The following PIP5K1C variants were observed in gnomAD, a reference collection of about 807,000 sequenced individuals.
PIP5K1C encodes the protein phosphatidylinositol-4-phosphate 5-kinase type 1 gamma.
Under a neutral mutation model 80.1 loss-of-function variants are expected in PIP5K1C, and 45 were observed. That is an observed-to-expected ratio of 0.56 (90% CI 0.44 to 0.72). The LOEUF (loss-of-function observed/expected upper bound fraction) is 0.72, where lower values mean the gene tolerates loss of function less well. PIP5K1C is among the 30% of genes least tolerant of loss of function. The pLI is 0.00. For missense variants in PIP5K1C, 753 were observed against 954.6 expected (o/e 0.79, Z 2.78); for synonymous variants, 498 against 420.1 (o/e 1.19, Z -2.27).
intron 1 of PIP5K1C, among the ~76,000 whole-genome samples, chr19:3,671,643 C>G (rs190648494): frequency 5.3e-4 from 80 of 152,284 alleles, no homozygotes; most frequent in African/African-American, 1.8e-3. Context: ...ATGTGGGGCT[C>G]CCAGGGCAGG....
chr19:3,656,643 G>C lies in PIP5K1C; in HGVS notation c.469-86C>G, dbSNP rs1271376036. ...CTTCCGGTCTGCCCAACAGCCCCAG[G>C]AACTGATGACGGGTCGCTGCATTTT... On this transcript the variant is annotated intron_variant, in intron 5 of 17. Coordinates refer to ENST00000335312, the MANE Select transcript of PIP5K1C (RefSeq NM_012398.3). 2.7e-6 allele frequency: 4 copies of C among 1,481,568 alleles called. No homozygotes were observed. The Admixed American group carries it at 6.7e-5, about 25-fold the overall frequency. The allele number at this position is 1,481,568 out of a possible 1,614,324, so 91.8% of individuals were successfully genotyped here. A position where few individuals can be genotyped will look rare whatever the true frequency, so the allele number is the denominator to read the frequency against.
chr19:3,647,346 G>A lies in PIP5K1C; in HGVS notation c.1252C>T (p.His418Tyr). Residue 418 changes from histidine to tyrosine, a missense_variant, in exon 10 of 18, where the codon CAC (histidine) becomes TAC (tyrosine). Physicochemically the swap from His to Tyr is moderately conservative, Grantham distance 83. Transcript: ENST00000335312. ...KLEHTWKALVHDGDTVSVHRP... is the reference protein window; with the variant it reads ...KLEHTWKALVYDGDTVSVHRP... ...AGGGTGCAGGCGCTCACCCCATCGTGGACGAGGGCCTTCCAGGTGTGCTCC... is the reference window on the plus strand; with the variant it reads ...AGGGTGCAGGCGCTCACCCCATCGTAGACGAGGGCCTTCCAGGTGTGCTCC... 1 of 1,577,470 alleles carries A rather than the reference G, an allele frequency of 6.3e-7. No homozygotes were observed. The highest frequency in any genetic ancestry group is 8.6e-7 in the Non-Finnish European group (1 of 1,160,560).
At chr19:3,661,784 G>T in intron 4 of PIP5K1C, 87 bp downstream of exon 4, 2 of 1,533,592 alleles carry the variant, frequency 1.3e-6, no homozygotes, top group Non-Finnish European at 1.8e-6. Flanking sequence ...GCTGCTTTCA[G>T]CAGAGAAGGG....
At position 3,642,230 on chromosome 19, in the gene PIP5K1C, G is replaced by A. The variant is rs142875046; in HGVS notation, c.1683-421C>T. On this transcript the variant is annotated intron_variant, in intron 14 of 17. Coordinates refer to ENST00000335312, the MANE Select transcript of PIP5K1C (RefSeq NM_012398.3). The stretch of plus-strand genomic sequence containing the variant: ...CACATCCCACCCAGGGCACCAAGGG[G>A]TTTCTTTCACCAGGCGGCAGCGATT... Among the ~76,000 whole-genome samples, 676 of 152,336 alleles carry A rather than the reference G, an allele frequency of 4.4e-3. 3 individuals are homozygous for A. Among genetic ancestry groups the A allele is most frequent in the African/African-American group, 0.016 (647 of 41,560 alleles).
chr19:3,636,101 G>A (rs1414113497), intron 16 of PIP5K1C, among the ~76,000 whole-genome samples: 1 of 152,184 alleles, frequency 6.6e-6, no homozygotes, highest in Non-Finnish European at 1.5e-5. Context: ...AGGTTGCAGT[G>A]AGCTGAGATC....
Position 3,691,016 on chromosome 19 carries a change from G to A in PIP5K1C, c.94+9281C>T, listed in dbSNP as rs182232697. ...GCTCTTGATAGAAACACAGGTGACCGTCGGGAGGAGTGGGAGGGAGCTCCT... is the reference window on the plus strand; with the variant it reads ...GCTCTTGATAGAAACACAGGTGACCATCGGGAGGAGTGGGAGGGAGCTCCT... On this transcript the variant is annotated intron_variant, in intron 1 of 17. Coordinates refer to ENST00000335312, the MANE Select transcript of PIP5K1C (RefSeq NM_012398.3). Among the ~76,000 whole-genome samples the A allele has an allele frequency of 5.3e-5, 8 of 152,314 alleles. 1 individual carries two copies. Among genetic ancestry groups the A allele is most frequent in the Admixed American group, 3.3e-4 (5 of 15,298 alleles).
At chr19:3,652,650 C>T (rs117151733) in intron 7 of PIP5K1C, among the ~76,000 whole-genome samples, 2 of 152,302 alleles carry the variant, frequency 1.3e-5, no homozygotes, top group East Asian at 1.9e-4. Context: ...GAGGAAGAGC[C>T]GTGCATATCA....
At chr19:3,655,658 G>A (rs2034597536) in intron 6 of PIP5K1C, among the ~76,000 whole-genome samples, 1 of 152,208 alleles carries the variant, frequency 6.6e-6, no homozygotes, top group Non-Finnish European at 1.5e-5. Flanking sequence ...TAAAGACTGA[G>A]TTTGCTGAGC....
In PIP5K1C at chr19:3,664,953, G is replaced by C. The variant is rs776051414; in HGVS notation, c.127-39C>G. The C allele has an allele frequency of 2.0e-6, 3 of 1,498,304 alleles. No individual in the cohort carries two copies. The African/African-American group carries it at 4.1e-5, about 21-fold the overall frequency. The allele number at this position is 1,498,304 out of a possible 1,614,324, so 92.8% of individuals were successfully genotyped here. A position where few individuals can be genotyped will look rare whatever the true frequency, so the allele number is the denominator to read the frequency against. On this transcript the variant is annotated intron_variant, in intron 2 of 17. Transcript: ENST00000335312. ...GCAGGAAGCGTTAACTCCCTAAGGA[G>C]CACGCCCACCGGGACAGGGCACGCT...
Position 3,641,697 on chromosome 19 carries a change from G to A in PIP5K1C, c.1787+8C>T, listed in dbSNP as rs377257200. The A allele has an allele frequency of 1.5e-5, 24 of 1,603,304 alleles. No homozygotes were observed. The highest frequency in any genetic ancestry group is 2.0e-5 in the Non-Finnish European group (23 of 1,178,082). On this transcript the variant is annotated splice_region_variant and intron_variant, in intron 15 of 17. Coordinates refer to ENST00000335312, the MANE Select transcript of PIP5K1C (RefSeq NM_012398.3). ...GGCGCCCCGACCTCCCGCCGAGGCC[G>A]TGCTCACCCTGCGTCCTCCTCTTTG... is the stretch of plus-strand genomic sequence containing the variant.
intron 8 of PIP5K1C, 74 bp downstream of exon 8, chr19:3,651,752 T>C: frequency 6.9e-7 from 1 of 1,440,734 alleles, no homozygotes; most frequent in Non-Finnish European, 9.7e-7. Flanking sequence ...TTTTCACACT[T>C]GGGACGGGGA....
chr19:3,675,899 G>A (rs376321653), intron 1 of PIP5K1C, among the ~76,000 whole-genome samples: 6 of 152,344 alleles, frequency 3.9e-5, no homozygotes, highest in African/African-American at 1.4e-4. Flanking sequence ...TGTCCCCAGG[G>A]GGGCAGGATG....
intron 12 of PIP5K1C, among the ~76,000 whole-genome samples, 183 bp from the exon 13 acceptor site, chr19:3,643,564 C>A (rs892229015): frequency 3.3e-5 from 5 of 152,102 alleles, no homozygotes; most frequent in Admixed American, 6.6e-5. Flanking sequence ...AGGCTTCTGA[C>A]CGCTCTCAAA....
intron 6 of PIP5K1C, 111 bp downstream of exon 6, chr19:3,656,294 A>T: frequency 8.0e-7 from 1 of 1,254,328 alleles, no homozygotes; most frequent in Non-Finnish European, 1.1e-6. Flanking sequence ...GATGCCTCTC[A>T]CCACGCCCCA....
chr19:3,636,553 C>T (rs1171171726), intron 16 of PIP5K1C: 1 of 985,556 alleles, frequency 1.0e-6, no homozygotes, highest in Non-Finnish European at 1.2e-6. Flanking sequence ...TGGGTCTCTC[C>T]AGTGCTCCTC....
intron 16 of PIP5K1C, among the ~76,000 whole-genome samples, chr19:3,635,320 G>A (rs2033637175): frequency 6.6e-6 from 1 of 152,238 alleles, no homozygotes; most frequent in African/African-American, 2.4e-5. Context: ...GCCAAGGCAG[G>A]TGGATCACTT....
intron 1 of PIP5K1C, among the ~76,000 whole-genome samples, chr19:3,667,862 G>A (rs1362946113): frequency 6.6e-6 from 1 of 152,236 alleles, no homozygotes; most frequent in Admixed American, 6.5e-5. Flanking sequence ...CCAGCGTGGG[G>A]AGTGAGGGGG....
At chr19:3,642,792 C>T (rs1018278199) in intron 14 of PIP5K1C, 115 bp downstream of exon 14, 4 of 854,056 alleles carry the variant, frequency 4.7e-6, no homozygotes, top group Admixed American at 3.5e-5. Flanking sequence ...AATCTTAAAT[C>T]TGTCCCCAGG....
Position 3,638,937 on chromosome 19 carries a change from G to A in PIP5K1C, c.1867C>T (p.Pro623Ser). 3 of 1,612,540 alleles carry A rather than the reference G, an allele frequency of 1.9e-6. No homozygotes were observed. Among genetic ancestry groups the A allele is most frequent in the Non-Finnish European group, 2.5e-6 (3 of 1,179,924 alleles). Reference protein sequence around the residue: ...ASQASDEEGAPASQASDEEDA... With the variant: ...ASQASDEEGASASQASDEEDA... Reference sequence around the variant, plus strand: ...TCCTCGTCCGAGGCCTGGCTGGCAGGTGCGCCCTCCTCGTCTGAGGCCTGG... The same window carrying A: ...TCCTCGTCCGAGGCCTGGCTGGCAGATGCGCCCTCCTCGTCTGAGGCCTGG... The change falls in exon 16 of 18, where the codon CCT (proline) becomes TCT (serine). Residue 623 changes from proline to serine, a missense_variant. By Grantham distance (74) the Pro-to-Ser change is moderately conservative (BLOSUM62 -1). Coordinates refer to ENST00000335312, the MANE Select transcript of PIP5K1C (RefSeq NM_012398.3).
Sources: allele counts gnomAD v4.1 joint callset (sites outside exome capture counted in the v4.1 genomes callset), GRCh38; gene constraint gnomAD v4.1.1; transcripts MANE v1.5; gene names NCBI Gene and HGNC (gene_info 2026-07-23, HGNC 2026-07-21).